IGSF9B: variants seen among roughly 807,000 people sequenced by gnomAD.
IGSF9B encodes the protein immunoglobulin superfamily member 9B, also known as protein turtle homolog B.
In IGSF9B, 48 loss-of-function variants were observed where a neutral mutation model predicts 143.7. That is an observed-to-expected ratio of 0.33 (90% CI 0.26 to 0.42). IGSF9B has a LOEUF of 0.42. Among genes scored for constraint, IGSF9B ranks in the 20% least tolerant of loss-of-function variants. The pLI is 1.00. For missense variants in IGSF9B, 1,706 were observed against 1,980.0 expected (o/e 0.86, Z 2.63); for synonymous variants, 903 against 833.1 (o/e 1.08, Z -1.44).
In IGSF9B at chr11:133,935,634, GC is replaced by G; in HGVS notation, c.949del (p.Ala317ArgfsTer3). On this transcript the variant is annotated frameshift_variant, in exon 7 of 20. Coordinates refer to ENST00000533871, the MANE Select transcript of IGSF9B (RefSeq NM_001277285.4). LOFTEE classifies it high-confidence loss of function. Reference protein sequence around the residue: ...NSLGRSPSASAYLTVQYPARV... With the variant: ...NSLGRSPSASXYLTVQYPARV... ...CTACTCACACTGCACGGTCAGGTAC[GC>G]CGAGGCGGAGGGGGAGCGCCCCAGG... The G allele has an allele frequency of 6.2e-7, 1 of 1,610,554 alleles. No individual in the cohort carries two copies. Among genetic ancestry groups the G allele is most frequent in the Non-Finnish European group, 8.5e-7 (1 of 1,178,754 alleles).
At chr11:133,950,201 C>G (rs537213136) in intron 1 of IGSF9B, among the ~76,000 whole-genome samples, 5 of 152,310 alleles carry the variant, frequency 3.3e-5, no homozygotes, top group Admixed American at 1.3e-4. Flanking sequence ...CCCGGAGCTC[C>G]TCCGCCGGGG....
At chr11:133,941,212 C>CT (rs1939950759) in intron 3 of IGSF9B, among the ~76,000 whole-genome samples, 1 of 152,114 alleles carries the variant, frequency 6.6e-6, no homozygotes, top group Admixed American at 6.6e-5. Context: ...AGGCTTAATT[C>CT]TTTTTTACAA....
chr11:133,925,677 C>T (rs1201007680), intron 14 of IGSF9B, 62 bp downstream of exon 14: 3 of 1,431,998 alleles, frequency 2.1e-6, no homozygotes, highest in Non-Finnish European at 1.9e-6. Flanking sequence ...CTTCCAGTGC[C>T]TCTAGAGTCT....
In IGSF9B at chr11:133,920,002, C is replaced by T. The variant is rs201741561; in HGVS notation, c.3723G>A (p.Pro1241=). Residue 1241 remains proline (P), a synonymous_variant, in exon 18 of 20, where the codon CCG becomes CCA. Transcript: ENST00000533871. ...QAEMSEITLQ[P]PAAVSFSRKS... is the part of the protein sequence containing the mutation. ...TTCGAGAAAAGCTGACTGCAGCCGG[C>T]GGCTGCAGGGTGATCTCTGACATCT... 671 of 1,580,884 alleles carry T rather than the reference C, an allele frequency of 4.2e-4. 10 individuals are homozygous for T. The highest frequency in any genetic ancestry group is 1.0e-3 in the Middle Eastern group (6 of 5,810).
At chr11:133,940,276 CAG>C (rs1939916695) in intron 3 of IGSF9B, among the ~76,000 whole-genome samples, 1 of 120,388 alleles carries the variant, frequency 8.3e-6, no homozygotes, top group Non-Finnish European at 1.7e-5. Flanking sequence ...TCATCGCACG[CAG>C]AAACACACCT....
rs910856202 is a variant in IGSF9B at position 133,901,137 on chromosome 11, C to T, written c.*7932G>A. ...TCCTGGTTCTTTAGGGCTATCAGAT[C>T]CTGCAGCTCCACACAACCTTCAGCT... On this transcript the variant is annotated 3_prime_UTR_variant, in exon 20 of 20. Transcript: ENST00000533871. 6.6e-6 allele frequency: 1 copy of T among 152,256 alleles called. No individual in the cohort carries two copies. Among genetic ancestry groups the T allele is most frequent in the African/African-American group, 2.4e-5 (1 of 41,462 alleles). 9.4% of individuals were successfully genotyped at this position (152,256 alleles called of 1,614,324 possible). A position where few individuals can be genotyped will look rare whatever the true frequency, so the allele number is the denominator to read the frequency against.
intron 15 of IGSF9B, among the ~76,000 whole-genome samples, chr11:133,924,342 C>G (rs1013651432): frequency 6.6e-6 from 1 of 152,000 alleles, no homozygotes; most frequent in Non-Finnish European, 1.5e-5. Context: ...CTTTATTTAG[C>G]CTTAAAAATC....
chr11:133,909,003 C>T lies in IGSF9B; in HGVS notation c.*66G>A. 2.9e-6 allele frequency: 4 copies of T among 1,358,748 alleles called. No homozygotes were observed. In the South Asian group the frequency reaches 5.2e-5, roughly 18 times the overall value. The allele number at this position is 1,358,748 out of a possible 1,614,324, so 84.2% of individuals were successfully genotyped here. ...TGGCAGACGGAGGAGGACACACCCC[C>T]ACACAGTGGCCCTCCCTGCCTGAGC... On this transcript the variant is annotated 3_prime_UTR_variant, in exon 20 of 20. Coordinates refer to ENST00000533871, the MANE Select transcript of IGSF9B (RefSeq NM_001277285.4). The surrounding 1 kb of genome is among the most constrained non-coding windows in gnomAD (Gnocchi z 4.2).
rs1240885155 is a variant in IGSF9B at position 133,945,213 on chromosome 11, TCAC to T, written c.262+845_262+847del. ...AGCTCACCCCTCACCGCAGCCAATA[TCAC>T]CACACCTCTGCTCTCCTCCTCGTCC... On this transcript the variant is annotated intron_variant, in intron 2 of 19. Coordinates refer to ENST00000533871, the MANE Select transcript of IGSF9B (RefSeq NM_001277285.4). The surrounding 1 kb of genome is among the most constrained non-coding windows in gnomAD (Gnocchi z 4.6). 6.6e-6 allele frequency among the ~76,000 whole-genome samples: 1 copy of T among 152,090 alleles called. No homozygotes were observed. The highest frequency in any genetic ancestry group is 1.5e-5 in the Non-Finnish European group (1 of 68,010).
At chr11:133,918,578 C>T (rs1010939319) in intron 18 of IGSF9B, among the ~76,000 whole-genome samples, 4 of 152,170 alleles carry the variant, frequency 2.6e-5, no homozygotes, top group African/African-American at 7.2e-5. Flanking sequence ...CCCCGCACCC[C>T]CTTCCTCGGC....
intron 19 of IGSF9B, among the ~76,000 whole-genome samples, chr11:133,910,496 A>C (rs1383257132): frequency 1.3e-5 from 2 of 152,236 alleles, no homozygotes; most frequent in Non-Finnish European, 2.9e-5. Context: ...CAAGGGAAGA[A>C]TCTGGGAATT....
chr11:133,919,134 G>GGGGGGC (rs1939458621), intron 18 of IGSF9B: 1 of 418,882 alleles, frequency 2.4e-6, no homozygotes, highest in Non-Finnish European at 4.8e-6. Flanking sequence ...GGGGGTGGGG[G>GGGGGGC]ACGTGTCCTG....
In IGSF9B at chr11:133,919,836, T is replaced by C. The variant is rs1939478702; in HGVS notation, c.3889A>G (p.Ser1297Gly). ...PGPAPAGPGD[S>G]LDVFGQTPSP... ...GGCGTCTGTCCAAACACGTCCAAGC[T>C]GTCCCCAGGCCCAGCAGGGGCGGGG... Residue 1297 changes from serine (S) to glycine (G), a missense_variant, in exon 18 of 20, where the codon AGC (serine) becomes GGC (glycine). Coordinates refer to ENST00000533871, the MANE Select transcript of IGSF9B (RefSeq NM_001277285.4). 1 of 1,575,654 alleles carries C rather than the reference T, an allele frequency of 6.3e-7. No homozygotes were observed. Among genetic ancestry groups the C allele is most frequent in the Non-Finnish European group, 8.6e-7 (1 of 1,160,982 alleles).
At chr11:133,922,040 G>T in intron 17 of IGSF9B, 137 bp downstream of exon 17, 1 of 721,956 alleles carries the variant, frequency 1.4e-6, no homozygotes, top group Non-Finnish European at 2.4e-6. Context: ...ATGGGGCTGG[G>T]CAAGTACAAT....
rs1405372180 is a variant in IGSF9B, at chr11:133,945,477, C to A, written c.262+584G>T. Among the ~76,000 whole-genome samples the A allele has an allele frequency of 6.6e-6, 1 of 152,200 alleles. No homozygotes were observed. The highest frequency in any genetic ancestry group is 1.5e-5 in the Non-Finnish European group (1 of 68,038). ...TCAATGACACGCACACGCACGCACA[C>A]ACACACCCACGCCCTCCTCTCCCGC... On this transcript the variant is annotated intron_variant, in intron 2 of 19. Transcript: ENST00000533871. This position sits in a 1 kb window ranked among gnomAD's most constrained non-coding sequence, Gnocchi z 4.6.
At chr11:133,923,710 G>A (rs1490442188) in intron 15 of IGSF9B, among the ~76,000 whole-genome samples, 2 of 152,260 alleles carry the variant, frequency 1.3e-5, no homozygotes, top group African/African-American at 4.8e-5. Flanking sequence ...TTGGAAATGG[G>A]GGACCTAATA....
At chr11:133,935,924 G>T in intron 6 of IGSF9B, 129 bp downstream of exon 6, 1 of 1,386,310 alleles carries the variant, frequency 7.2e-7, no homozygotes, top group Non-Finnish European at 9.8e-7. Flanking sequence ...TGAGACACAC[G>T]GACCAGACTG....
chr11:133,932,281 A>G (rs1939746787), intron 7 of IGSF9B, 68 bp from the exon 8 acceptor site: 1 of 1,447,616 alleles, frequency 6.9e-7, no homozygotes. Context: ...AGACACAGGG[A>G]CAGACAGACA....
chr11:133,914,535 G>T (rs1448226257), intron 18 of IGSF9B, among the ~76,000 whole-genome samples: 2 of 152,162 alleles, frequency 1.3e-5, no homozygotes, highest in African/African-American at 4.8e-5. Context: ...AAAATTCCCA[G>T]ACAGTAATGA....
Sources: allele counts gnomAD v4.1 joint callset (sites outside exome capture counted in the v4.1 genomes callset), GRCh38; gene constraint gnomAD v4.1.1; non-coding constraint Gnocchi (gnomAD v3.1); transcripts MANE v1.5; gene names NCBI Gene and HGNC (gene_info 2026-07-23, HGNC 2026-07-21).